TRAK1: variants seen among roughly 807,000 people sequenced by gnomAD.
The protein encoded by TRAK1 is trafficking kinesin protein 1, also known as trafficking kinesin-binding protein 1.
TRAK1 carries 33 observed loss-of-function variants against 92.1 expected under a neutral mutation model. The observed-to-expected ratio is 0.36, with a 90% CI of 0.27 to 0.48. TRAK1 has a LOEUF of 0.48. Among genes scored for constraint, TRAK1 ranks in the 20% least tolerant of loss-of-function variants. TRAK1 has a pLI of 0.99. For missense variants in TRAK1, 1,123 were observed against 1,257.9 expected, an observed-to-expected ratio of 0.89 and a Z score of 1.62; for synonymous variants, 521 against 517.3, an observed-to-expected ratio of 1.01 and a Z score of -0.10.
intron 15 of TRAK1, among the ~76,000 whole-genome samples, chr3:42,220,771 A>T (rs761567065): frequency 3.3e-5 from 5 of 152,192 alleles, no homozygotes; most frequent in Admixed American, 6.5e-5. Context: ...AGTCAAGCCG[A>T]GTGCCAGCAC....
In TRAK1 at chr3:42,209,939, C is replaced by T. The variant is rs1298300976; in HGVS notation, c.1917C>T (p.Leu639=). The T allele has an allele frequency of 5.0e-6, 8 of 1,614,212 alleles. No individual in the cohort carries two copies. Among genetic ancestry groups the T allele is most frequent in the Non-Finnish European group, 6.8e-6 (8 of 1,180,040 alleles). ...ATGACACAGGTGACCACATTTCTCT[C>T]CCACGCCTAGCTACCTCCACTCCAG... ...EEDDTGDHIS[L]PRLATSTPVQ... The change falls in exon 14 of 16, where the codon CTC becomes CTT. Residue 639 remains leucine, a synonymous_variant. Transcript: ENST00000327628.
chr3:42,182,297 CTCTTTT>C (rs1343301741), intron 3 of TRAK1, among the ~76,000 whole-genome samples: 3 of 67,734 alleles, frequency 4.4e-5, no homozygotes, highest in Non-Finnish European at 7.8e-5. Context: ...TTGCAACTCT[CTCTTTT>C]TTTTTTTTTT....
chr3:42,029,557 T>TC (rs1702041631), intron 1 of TRAK1, among the ~76,000 whole-genome samples: 1 of 151,644 alleles, frequency 6.6e-6, no homozygotes, highest in African/African-American at 2.4e-5. Flanking sequence ...GAATTTTTTT[T>TC]TTTTTTTTTT....
At chr3:42,149,156 T>C (rs1002887064) in intron 2 of TRAK1, 2 of 1,012,454 alleles carry the variant, frequency 2.0e-6, no homozygotes, top group Middle Eastern at 4.8e-4. Flanking sequence ...AGACGAGGCT[T>C]GAGTGAGACA....
At chr3:42,195,748 AAAAG>A (rs1321518898) in intron 10 of TRAK1, among the ~76,000 whole-genome samples, 3 of 152,240 alleles carry the variant, frequency 2.0e-5, no homozygotes, top group African/African-American at 4.8e-5. Flanking sequence ...GAGGGAAACA[AAAAG>A]AAAGACATAT....
upstream of TRAK1, among the ~76,000 whole-genome samples, chr3:42,086,102 T>C (rs961440594): frequency 1.6e-4 from 25 of 152,198 alleles, no homozygotes; most frequent in Admixed American, 1.4e-3. Flanking sequence ...ACACATGTGA[T>C]GTGTGTGCAG....
At chr3:42,218,471 TC>T (rs1709962452) in intron 14 of TRAK1, 7 of 984,832 alleles carry the variant, frequency 7.1e-6, no homozygotes, top group Non-Finnish European at 8.4e-6. Context: ...GGGAGAATCA[TC>T]CCGGCACTTC....
chr3:42,092,711 G>GTGTTATGTTATGATGTTATGTTA (rs1553712930), intron 1 of TRAK1, among the ~76,000 whole-genome samples: 2 of 101,068 alleles, frequency 2.0e-5, no homozygotes, highest in African/African-American at 6.5e-5. Flanking sequence ...GTGTTGTGTT[G>GTGTTATGTTATGATGTTATGTTA]TGTTATGTTA....
At position 42,029,636 on chromosome 3, in the gene TRAK1, G is replaced by C. The variant is rs148129496; in HGVS notation, c.-519+15519G>C. Among the ~76,000 whole-genome samples, 884 of 148,026 alleles carry C rather than the reference G, an allele frequency of 6.0e-3. 13 individuals are homozygous for C. Among genetic ancestry groups the C allele is most frequent in the African/African-American group, 0.021 (823 of 39,970 alleles). ...GTGATCTTAGCTCACTGCAACCTCT[G>C]CCTCCCCGGTTCAAGTGATTCTCAT... On this transcript the variant is annotated intron_variant, in intron 1 of 16. Transcript: ENST00000487159.
At chr3:42,072,975 G>A (rs1300351776) in intron 1 of TRAK1, among the ~76,000 whole-genome samples, 2 of 152,146 alleles carry the variant, frequency 1.3e-5, no homozygotes, top group African/African-American at 2.4e-5. Flanking sequence ...CATTTATTTT[G>A]TGTTTATCTG....
chr3:42,049,526 T>C (rs1702897740), intron 1 of TRAK1, among the ~76,000 whole-genome samples: 1 of 152,028 alleles, frequency 6.6e-6, no homozygotes, highest in African/African-American at 2.4e-5. Flanking sequence ...ATTCTTTATT[T>C]CTAGGAAGGT....
At chr3:42,165,506 G>A (rs1701748404) in intron 2 of TRAK1, among the ~76,000 whole-genome samples, 1 of 152,212 alleles carries the variant, frequency 6.6e-6, no homozygotes, top group Non-Finnish European at 1.5e-5. Flanking sequence ...CTGGGCTGCA[G>A]AGAAAGGACT....
At chr3:42,210,750 A>G in intron 14 of TRAK1, 4 of 985,702 alleles carry the variant, frequency 4.1e-6, no homozygotes, top group Non-Finnish European at 4.8e-6. Context: ...TGTTTTAGCA[A>G]TACTCCTTAA....
At chr3:42,188,280 C>CA in intron 5 of TRAK1, 135 bp downstream of exon 5, 1 of 758,282 alleles carries the variant, frequency 1.3e-6, no homozygotes, top group Non-Finnish European at 2.3e-6. Context: ...CTGGACCAAA[C>CA]ACCTCCAAGT....
At chr3:42,028,262 C>T (rs114728335) in intron 1 of TRAK1, among the ~76,000 whole-genome samples, 3,763 of 152,274 alleles carry the variant, frequency 0.025, 62 homozygotes, top group East Asian at 0.06. Context: ...ATGTTTATTC[C>T]GGAAATACAT....
intron 3 of TRAK1, among the ~76,000 whole-genome samples, chr3:42,177,139 A>C (rs568324026): frequency 1.3e-5 from 2 of 152,352 alleles, no homozygotes; most frequent in African/African-American, 2.4e-5. Context: ...ACTTGTTAGA[A>C]TATCCAGTTG....
intron 1 of TRAK1, among the ~76,000 whole-genome samples, chr3:42,023,114 C>G (rs948675285): frequency 2.7e-5 from 4 of 148,246 alleles, no homozygotes; most frequent in Non-Finnish European, 4.4e-5. Context: ...GCCGAGATTG[C>G]GCCACTACAC....
At position 42,219,545 on chromosome 3, in the gene TRAK1, C is replaced by T. The variant is rs754373010; in HGVS notation, c.2015C>T (p.Thr672Ile). Residue 672 changes from threonine to isoleucine, a missense_variant, in exon 15 of 16, where the codon ACC (threonine) becomes ATC (isoleucine). This residue lies in a region of TRAK1 where 401 missense variants were observed against 438.9 expected (regional missense o/e 0.91). Transcript: ENST00000327628. ...MSQTNSTFTFTTCRILHPSDE... is the reference protein window; with the variant it reads ...MSQTNSTFTFITCRILHPSDE... ...CAGACCAACTCCACCTTCACCTTCA[C>T]CACCTGTCGCATCCTGCATCCTTCA... 6.2e-7 allele frequency: 1 copy of T among 1,614,076 alleles called. No individual in the cohort carries two copies. The highest frequency in any genetic ancestry group is 8.5e-7 in the Non-Finnish European group (1 of 1,180,000).
chr3:42,055,281 C>A lies in TRAK1; in HGVS notation c.-518-31823C>A, dbSNP rs146355807. ...CCAAGGATACAAAATAGTTCTGACACCCCAAAGAAACTGCCCGTAAAACTC... is the reference window on the plus strand; with the variant it reads ...CCAAGGATACAAAATAGTTCTGACAACCCAAAGAAACTGCCCGTAAAACTC... On this transcript the variant is annotated intron_variant, in intron 1 of 16. Coordinates refer to the TRAK1 transcript ENST00000487159. Among the ~76,000 whole-genome samples the A allele has an allele frequency of 7.3e-3, 1,105 of 152,156 alleles. 10 individuals carry two copies. The highest frequency in any genetic ancestry group is 0.024 in the African/African-American group (1,014 of 41,504).
Sources: gnomAD v4.1 joint callset for allele counts (sites outside exome capture counted in the v4.1 genomes callset) on GRCh38, gnomAD v4.1.1 for gene constraint, gnomAD v4.1.1 regional missense constraint, MANE v1.5 for transcripts, NCBI Gene and HGNC (gene_info 2026-07-23, HGNC 2026-07-21) for gene names.